Variants in ACOT1 observed in about 807,000 individuals in gnomAD.
ACOT1 encodes the protein acyl-coenzyme A thioesterase 1.
A neutral mutation model predicts 15.7 loss-of-function variants in ACOT1; 8 were observed. That is an observed-to-expected ratio of 0.51 (90% CI 0.30 to 0.92). The LOEUF is 0.92. Among genes scored for constraint, ACOT1 ranks in the 40% least tolerant of loss-of-function variants. The pLI is 0.06. For synonymous variants in ACOT1, 67 were observed against 241.2 expected (o/e 0.28, Z 6.69); for missense variants, 151 against 539.4 (o/e 0.28, Z 7.13).
chr14:73,520,656 A>G, the ACOT1 span: 1 of 528,310 alleles, frequency 1.9e-6, no homozygotes, highest in Non-Finnish European at 3.4e-6. Context: ...GGGGAGAGAG[A>G]GCAGTTCCCT....
At chr14:73,503,287 C>G in the ACOT1 span, among the ~76,000 whole-genome samples, 1 of 152,182 alleles carries the variant, frequency 6.6e-6, no homozygotes, top group Non-Finnish European at 1.5e-5. Context: ...CAAGCTCATC[C>G]TTTAAACTAT....
chr14:73,522,416 A>G, the ACOT1 span: 1 of 1,614,120 alleles, frequency 6.2e-7, no homozygotes, highest in Non-Finnish European at 8.5e-7. Flanking sequence ...CTCATCCCGA[A>G]TGTGACTCCA....
At chr14:73,527,852 G>A in the ACOT1 span, among the ~76,000 whole-genome samples, 5 of 149,978 alleles carry the variant, frequency 3.3e-5, no homozygotes, top group African/African-American at 1.2e-4. Flanking sequence ...GGTGGCAGGT[G>A]CCTGTAATCC....
chr14:73,523,283 A>G, the ACOT1 span: 2 of 828,092 alleles, frequency 2.4e-6, no homozygotes, highest in South Asian at 1.9e-5. Context: ...TTGGTAGCCC[A>G]TAGCAGTTCA....
At chr14:73,511,560 T>TAAATAAATA in the ACOT1 span, among the ~76,000 whole-genome samples, 3,045 of 88,728 alleles carry the variant, frequency 0.034, 34 homozygotes, top group Non-Finnish European at 0.056. Context: ...AATAAATAAA[T>TAAATAAATA]AAATAAAATA....
the ACOT1 span, among the ~76,000 whole-genome samples, chr14:73,526,884 G>A: frequency 6.6e-6 from 1 of 152,034 alleles, no homozygotes; most frequent in African/African-American, 2.4e-5. Flanking sequence ...CATCTGTGGT[G>A]GCCATGGGAG....
chr14:73,530,515 A>C, the ACOT1 span: 2 of 126,354 alleles, frequency 1.6e-5, no homozygotes, highest in Non-Finnish European at 3.5e-5. Flanking sequence ...GCCCTCAAAA[A>C]GTTCCCCTCA....
the ACOT1 span, among the ~76,000 whole-genome samples, chr14:73,516,924 G>A: frequency 2.5e-4 from 38 of 152,128 alleles, no homozygotes; most frequent in Non-Finnish European, 3.7e-4. Flanking sequence ...TATCTTCCAC[G>A]AAACCGGTCC....
At chr14:73,522,907 G>A in the ACOT1 span, 8 of 1,614,180 alleles carry the variant, frequency 5.0e-6, no homozygotes, top group Non-Finnish European at 6.8e-6. Flanking sequence ...TGCTGGGCAG[G>A]CCTCGCTGCC....
chr14:73,506,331 GAAGT>G, the ACOT1 span: 1 of 635,548 alleles, frequency 1.6e-6, no homozygotes, highest in South Asian at 1.9e-5. Flanking sequence ...TTCTGGGCTA[GAAGT>G]AAGAAGTAGT....
the ACOT1 span, among the ~76,000 whole-genome samples, chr14:73,531,900 C>T: frequency 2.6e-5 from 3 of 113,682 alleles, no homozygotes; most frequent in Admixed American, 9.9e-5. Context: ...GGCCTGGTGG[C>T]GCATGCCTGT....
chr14:73,494,435 G>A, the ACOT1 span, among the ~76,000 whole-genome samples: 28 of 152,284 alleles, frequency 1.8e-4, no homozygotes, highest in Non-Finnish European at 3.8e-4. Flanking sequence ...TGTTATTTAA[G>A]GTTGAGAACT....
At chr14:73,494,710 C>T in the ACOT1 span, among the ~76,000 whole-genome samples, 1 of 151,972 alleles carries the variant, frequency 6.6e-6, no homozygotes, top group South Asian at 2.1e-4. Context: ...GCCACCACAC[C>T]CAGATAATTT....
At chr14:73,506,804 G>GTTTTTTTTTTTGTTGT in the ACOT1 span, among the ~76,000 whole-genome samples, 1 of 80,522 alleles carries the variant, frequency 1.2e-5, no homozygotes, top group Non-Finnish European at 2.2e-5. Flanking sequence ...GACTTTAACT[G>GTTTTTTTTTTTGTTGT]TTTTTTTTTT....
chr14:73,506,814 T>TTTTTG, the ACOT1 span, among the ~76,000 whole-genome samples: 1 of 132,388 alleles, frequency 7.6e-6, no homozygotes, highest in African/African-American at 3.3e-5. Flanking sequence ...GTTTTTTTTT[T>TTTTTG]TTTTTTTTTT....
the ACOT1 span, chr14:73,498,317 G>A: frequency 6.2e-7 from 1 of 1,608,450 alleles, no homozygotes; most frequent in South Asian, 1.1e-5. Context: ...CGTCAGCTCG[G>A]GACTTACTTG....
chr14:73,509,041 A>T, the ACOT1 span, among the ~76,000 whole-genome samples: 1 of 151,920 alleles, frequency 6.6e-6, no homozygotes, highest in African/African-American at 2.4e-5. Context: ...TAATTTTAAA[A>T]TTTTTTATAG....
chr14:73,514,759 A>G, the ACOT1 span, among the ~76,000 whole-genome samples: 1 of 152,198 alleles, frequency 6.6e-6, no homozygotes, highest in Non-Finnish European at 1.5e-5. Context: ...AGCCGTAAAT[A>G]TTAGATATAG....
At chr14:73,512,181 C>A in the ACOT1 span, 3 of 1,612,836 alleles carry the variant, frequency 1.9e-6, no homozygotes, top group South Asian at 2.2e-5. Context: ...GAAAAGAGAA[C>A]CACCTGGTTA....
Sources: gnomAD v4.1 joint callset for allele counts (sites outside exome capture counted in the v4.1 genomes callset) on GRCh38, gnomAD v4.1.1 for gene constraint, MANE v1.5 for transcripts, NCBI Gene and HGNC (gene_info 2026-07-23, HGNC 2026-07-21) for gene names.